The following GGTA1 variants were observed in gnomAD, a reference collection of about 807,000 sequenced individuals.
The protein encoded by GGTA1 is glycoprotein alpha-galactosyltransferase 1 (inactive), also known as inactive N-acetyllactosaminide alpha-1,3-galactosyltransferase.
GGTA1 carries 5 observed loss-of-function variants against 2.6 expected under a neutral mutation model. That is an observed-to-expected ratio of 1.92 (90% CI 1.00 to 4.04). The LOEUF (loss-of-function observed/expected upper bound fraction) is 4.04. Among genes scored for constraint, GGTA1 ranks in the 30% most tolerant of loss-of-function variants. The pLI is 0.00. For missense variants in GGTA1, 50 were observed against 16.7 expected, an observed-to-expected ratio of 2.99 and a Z score of -3.47; for synonymous variants, 17 against 5.0, an observed-to-expected ratio of 3.38 and a Z score of -3.19.
intron 1 of GGTA1, among the ~76,000 whole-genome samples, chr9:121,477,907 A>G (rs541137489): frequency 3.3e-5 from 5 of 152,162 alleles, no homozygotes; most frequent in African/African-American, 7.2e-5. Flanking sequence ...GGGCTCCCCA[A>G]ATGGAATCAG....
chr9:121,496,202 C>A (rs1589340633), intron 1 of GGTA1, among the ~76,000 whole-genome samples: 1 of 152,308 alleles, frequency 6.6e-6, no homozygotes, highest in African/African-American at 2.4e-5. Context: ...TGCTGCATAA[C>A]AAACAACCCC....
At chr9:121,495,683 C>T (rs903881632) in intron 1 of GGTA1, among the ~76,000 whole-genome samples, 1 of 152,216 alleles carries the variant, frequency 6.6e-6, no homozygotes, top group African/African-American at 2.4e-5. Flanking sequence ...TTACCCAATG[C>T]AACTTCTAAT....
intron 2 of GGTA1, among the ~76,000 whole-genome samples, chr9:121,464,625 AAAAAC>A (rs143835214): frequency 0.92 from 138,910 of 151,464 alleles, 64,220 homozygotes; most frequent in Non-Finnish European, 0.99. Context: ...AAACAAAAAC[AAAAAC>A]AAAACAAAAC....
exon 8 of GGTA1, chr9:121,447,450 A>G (rs1411379867): frequency 6.6e-6 from 1 of 152,548 alleles, no homozygotes; most frequent in East Asian, 1.9e-4. Flanking sequence ...GCTTGACCTC[A>G]AACATTTTGA....
At chr9:121,449,698 G>T (rs1184394366) in intron 7 of GGTA1, among the ~76,000 whole-genome samples, 1 of 151,966 alleles carries the variant, frequency 6.6e-6, no homozygotes, top group Non-Finnish European at 1.5e-5. Context: ...AAATTAGCTG[G>T]GTGTGGTGGC....
rs7041134 is a variant in GGTA1 at position 121,463,151 on chromosome 9, C to G, written c.116+142G>C. 9.4e-3 allele frequency: 3,904 copies of G among 416,496 alleles called. 149 individuals are homozygous for G. Among genetic ancestry groups the G allele is most frequent in the African/African-American group, 0.075 (3,574 of 47,386 alleles). 25.8% of individuals were successfully genotyped at this position (416,496 alleles called of 1,614,324 possible). A position where few individuals can be genotyped will look rare whatever the true frequency, so the allele number is the denominator to read the frequency against. ...TACGGAAGCTGCAGAAATAACATTC[C>G]AGATCCCCAGGAATCCACCCACCCA... On this transcript the variant is annotated intron_variant, in intron 3 of 5. Transcript: ENST00000481799.
chr9:121,497,079 G>C (rs1589340967), intron 1 of GGTA1, among the ~76,000 whole-genome samples: 1 of 151,992 alleles, frequency 6.6e-6, no homozygotes, highest in Non-Finnish European at 1.5e-5. Flanking sequence ...TGTAATCCTA[G>C]CTACTTGGGA....
exon 8 of GGTA1, chr9:121,446,680 C>T (rs960491727): frequency 1.3e-5 from 2 of 152,134 alleles, no homozygotes; most frequent in Admixed American, 6.5e-5. Context: ...GATAGTATTT[C>T]CCCCAAACCC....
chr9:121,460,033 G>A, intron 5 of GGTA1, 71 bp downstream of exon 5: 1 of 444,586 alleles, frequency 2.2e-6, no homozygotes, highest in Non-Finnish European at 4.5e-6. Context: ...TGGCACTGTT[G>A]CCTCCACTGC....
At chr9:121,467,961 G>T (rs773733280) in intron 1 of GGTA1, 30 bp from the exon 2 acceptor site, 3 of 452,750 alleles carry the variant, frequency 6.6e-6, no homozygotes, top group South Asian at 4.7e-5. Flanking sequence ...GAGAAAAAAA[G>T]AGAACAGATT....
At chr9:121,460,589 T>C (rs1246578823) in intron 4 of GGTA1, among the ~76,000 whole-genome samples, 2 of 152,184 alleles carry the variant, frequency 1.3e-5, no homozygotes, top group East Asian at 1.9e-4. Context: ...GGATCACGCC[T>C]ATAATCTCAG....
At chr9:121,481,634 A>G (rs1352042872) in intron 1 of GGTA1, among the ~76,000 whole-genome samples, 8 of 145,854 alleles carry the variant, frequency 5.5e-5, no homozygotes, top group African/African-American at 2.1e-4. Flanking sequence ...GTGAGCCAAG[A>G]TTGCGCCACT....
In GGTA1 at chr9:121,460,157, T is replaced by C; in HGVS notation, c.245A>G (p.Lys82Arg). Residue 82 changes from lysine (K) to arginine (R), a missense_variant, in exon 5 of 6, where the codon AAA becomes AGA. Transcript: ENST00000481799. ...GCTCTGTTGTGTCATTTTCCTTCCT[T>C]TGGTCTCCTCTCTTCCTTTTTCTTT... Reference protein sequence around the residue: ...IDKEKGREETKGRKMTQQSFG... With the variant: ...IDKEKGREETRGRKMTQQSFG... The C allele has an allele frequency of 2.2e-6, 1 of 456,914 alleles. No individual in the cohort carries two copies. The highest frequency in any genetic ancestry group is 1.5e-5 in the South Asian group (1 of 64,564). 28.3% of individuals were successfully genotyped at this position (456,914 alleles called of 1,614,324 possible).
intron 1 of GGTA1, among the ~76,000 whole-genome samples, chr9:121,483,093 C>T (rs1046926559): frequency 1.3e-5 from 2 of 152,192 alleles, no homozygotes; most frequent in African/African-American, 2.4e-5. Flanking sequence ...CAGTGATCCC[C>T]GGTCTCATGT....
At chr9:121,486,636 G>A (rs139291144) in intron 1 of GGTA1, among the ~76,000 whole-genome samples, 54 of 152,304 alleles carry the variant, frequency 3.5e-4, no homozygotes, top group African/African-American at 1.2e-3. Context: ...CATTGCCTGT[G>A]TCTCAGTCCC....
intron 7 of GGTA1, among the ~76,000 whole-genome samples, chr9:121,448,933 G>A (rs1202669348): frequency 6.6e-6 from 1 of 152,196 alleles, no homozygotes; most frequent in Non-Finnish European, 1.5e-5. Flanking sequence ...ATACAAAATA[G>A]CATCACTGCC....
intron 1 of GGTA1, among the ~76,000 whole-genome samples, chr9:121,488,712 CGTCTCAAAAAGCAAAAAAATTAGCCTCT>C (rs1828811579): frequency 2.7e-5 from 4 of 150,876 alleles, no homozygotes; most frequent in African/African-American, 7.3e-5. Flanking sequence ...AGTGAAACTC[CGTCTCAAAAAGCAAAAAAATTAGCCTCT>C]GTCTCAAAAA....
chr9:121,465,152 T>G (rs1278423234), intron 2 of GGTA1, among the ~76,000 whole-genome samples: 1 of 152,242 alleles, frequency 6.6e-6, no homozygotes, highest in Non-Finnish European at 1.5e-5. Context: ...CTGGCTACCA[T>G]GCAGAGAGAG....
intron 2 of GGTA1, among the ~76,000 whole-genome samples, chr9:121,465,530 A>G (rs144231112): frequency 6.6e-6 from 1 of 152,348 alleles, no homozygotes; most frequent in East Asian, 1.9e-4. Context: ...GGACGTAATT[A>G]GGTTTAGATG....
Sources: gnomAD v4.1 joint callset for allele counts (sites outside exome capture counted in the v4.1 genomes callset) on GRCh38, gnomAD v4.1.1 for gene constraint, MANE v1.5 for transcripts, NCBI Gene and HGNC (gene_info 2026-07-23, HGNC 2026-07-21) for gene names.